Variants in PDE9A observed in about 807,000 individuals in gnomAD.
PDE9A encodes phosphodiesterase 9A, also known as high affinity cGMP-specific 3',5'-cyclic phosphodiesterase 9A.
In PDE9A, 60 loss-of-function variants were observed where a neutral mutation model predicts 87.4. That is an observed-to-expected ratio of 0.69 (90% confidence interval 0.56 to 0.85). The LOEUF is 0.85. Among genes scored for constraint, PDE9A ranks in the 40% least tolerant of loss-of-function variants. The pLI is 0.00. For missense variants in PDE9A, 665 were observed against 779.0 expected, an observed-to-expected ratio of 0.85 and a Z score of 1.74; for synonymous variants, 272 against 279.4, an observed-to-expected ratio of 0.97 and a Z score of 0.27.
chr21:42,697,368 A>T, intron 3 of PDE9A: 1 of 1,156,170 alleles, frequency 8.6e-7, no homozygotes, highest in Non-Finnish European at 1.3e-6. Flanking sequence ...CACCATGAAC[A>T]GCTTGGTGTG....
At position 42,768,236 on chromosome 21, in the gene PDE9A, C is replaced by T. The variant is rs771336877; in HGVS notation, c.1405C>T (p.Pro469Ser). 7.4e-6 allele frequency: 12 copies of T among 1,611,488 alleles called. No homozygotes were observed. In the East Asian group the frequency reaches 2.7e-4, roughly 36 times the overall value. The change falls in exon 16 of 20, where the codon CCA becomes TCA. Residue 469 changes from proline (P) to serine (S), a missense_variant. Coordinates refer to ENST00000291539, the MANE Select transcript of PDE9A (RefSeq NM_002606.3). ...CTGTGATATCTCTAACGAGGTCCGT[C>T]CAATGGAAGTCGCAGAGCCTTGGGT... Reference protein sequence around the residue: ...KCCDISNEVRPMEVAEPWVDC... With the variant: ...KCCDISNEVRSMEVAEPWVDC...
intron 1 of PDE9A, among the ~76,000 whole-genome samples, chr21:42,678,198 A>G (rs2058960472): frequency 6.6e-6 from 1 of 152,206 alleles, no homozygotes; most frequent in African/African-American, 2.4e-5. Context: ...TGGGGGCGTG[A>G]GGGGTTTGGC....
At chr21:42,769,587 TACAC>T (rs1369059170) in intron 17 of PDE9A, among the ~76,000 whole-genome samples, 1 of 102,654 alleles carries the variant, frequency 9.7e-6, no homozygotes, top group Non-Finnish European at 2.0e-5. Flanking sequence ...TGCACACAGG[TACAC>T]ACAGGCACAC....
intron 4 of PDE9A, among the ~76,000 whole-genome samples, chr21:42,717,878 C>T (rs2146543678): frequency 6.6e-6 from 1 of 151,694 alleles, no homozygotes; most frequent in East Asian, 1.9e-4. Flanking sequence ...GTGTGTCTTT[C>T]TTCTCTGGCT....
intron 19 of PDE9A, among the ~76,000 whole-genome samples, chr21:42,774,881 CA>C (rs371603677): frequency 6.7e-4 from 75 of 112,346 alleles, no homozygotes; most frequent in East Asian, 8.3e-4. Flanking sequence ...GACTCCATCT[CA>C]AAAAAAAAAA....
In PDE9A at chr21:42,697,266, G is replaced by A. The variant is rs185861358; in HGVS notation, c.219-1702G>A. 30 of 618,574 alleles carry A rather than the reference G, an allele frequency of 4.8e-5. No homozygotes were observed. In the East Asian group the frequency reaches 7.7e-4, roughly 16 times the overall value. 38.3% of individuals were successfully genotyped at this position (618,574 alleles called of 1,614,324 possible). On this transcript the variant is annotated intron_variant, in intron 3 of 19. Coordinates refer to ENST00000291539, the MANE Select transcript of PDE9A (RefSeq NM_002606.3). Reference sequence around the variant, plus strand: ...GTGCAGGGAGGTCAGTGCCACACAGGTTTTATTTTTTCACATTATTGGTGT... The same window carrying A: ...GTGCAGGGAGGTCAGTGCCACACAGATTTTATTTTTTCACATTATTGGTGT...
chr21:42,706,389 A>G (rs748977607), intron 4 of PDE9A, among the ~76,000 whole-genome samples: 3 of 152,222 alleles, frequency 2.0e-5, no homozygotes, highest in Non-Finnish European at 4.4e-5. Flanking sequence ...TCACGCCTGT[A>G]ATCCCAGCAC....
chr21:42,670,050 C>G (rs2058306338), intron 1 of PDE9A, among the ~76,000 whole-genome samples: 1 of 152,138 alleles, frequency 6.6e-6, no homozygotes, highest in Non-Finnish European at 1.5e-5. Flanking sequence ...TTCACACACA[C>G]ACACTTACAC....
chr21:42,754,087 C>T, intron 10 of PDE9A, 23 bp downstream of exon 10: 1 of 1,556,468 alleles, frequency 6.4e-7, no homozygotes, highest in East Asian at 2.2e-5. Context: ...CTTGCAGGCA[C>T]CACGTCCCAG....
In PDE9A at chr21:42,759,189, C is replaced by A; in HGVS notation, c.897+104C>A. On this transcript the variant is annotated intron_variant, in intron 11 of 19. Coordinates refer to ENST00000291539, the MANE Select transcript of PDE9A (RefSeq NM_002606.3). This position sits in a 1 kb window ranked among gnomAD's most constrained non-coding sequence, Gnocchi z 7.2. ...CCAGGGCACCTTCCGGATGGCACTG[C>A]GCTCCCTGTGAGCAGAGGTGACATT... 1.3e-6 allele frequency: 1 copy of A among 774,548 alleles called. No homozygotes were observed. Among genetic ancestry groups the A allele is most frequent in the Non-Finnish European group, 2.2e-6 (1 of 446,746 alleles). 48.0% of individuals were successfully genotyped at this position (774,548 alleles called of 1,614,324 possible).
intron 4 of PDE9A, among the ~76,000 whole-genome samples, chr21:42,721,123 A>G (rs2050480010): frequency 6.6e-6 from 1 of 152,130 alleles, no homozygotes; most frequent in African/African-American, 2.4e-5. Flanking sequence ...GTAAAGGGAA[A>G]TGCATGCTAG....
chr21:42,683,372 A>G (rs937527412), intron 1 of PDE9A, among the ~76,000 whole-genome samples: 2 of 152,220 alleles, frequency 1.3e-5, no homozygotes, highest in East Asian at 1.9e-4. Flanking sequence ...AAGCTTCTGC[A>G]TTGAATCACG....
Position 42,743,795 on chromosome 21 carries a change from G to A in PDE9A, c.588G>A (p.Val196=). Residue 196 remains valine, a synonymous_variant, in exon 8 of 20, where the codon GTG becomes GTA. Transcript: ENST00000291539. ...CACCAGTGGAAGGACTAAAAGTGGT[G>A]GAGATTGAGAAATGCAAGAGTGACA... ...KRVELEGLKV[V]EIEKCKSDIK... 2 of 1,592,642 alleles carry A rather than the reference G, an allele frequency of 1.3e-6. No individual in the cohort carries two copies. The highest frequency in any genetic ancestry group is 1.7e-6 in the Non-Finnish European group (2 of 1,168,514).
chr21:42,772,670 G>A (rs1025112455), intron 19 of PDE9A, 150 bp downstream of exon 19: 102 of 605,942 alleles, frequency 1.7e-4, no homozygotes, highest in Non-Finnish European at 2.6e-4. Flanking sequence ...TCTCGCTCTT[G>A]TTGCCCAGGT....
chr21:42,688,026 T>A, intron 3 of PDE9A, 32 bp downstream of exon 3: 1 of 1,552,540 alleles, frequency 6.4e-7, no homozygotes, highest in Non-Finnish European at 8.9e-7. Flanking sequence ...CCTCGGGGTG[T>A]GCCTGGCACT....
At chr21:42,770,643 C>A in intron 17 of PDE9A, 60 bp from the exon 18 acceptor site, 2 of 1,353,872 alleles carry the variant, frequency 1.5e-6, no homozygotes, top group Non-Finnish European at 2.1e-6. Context: ...TGTTTTTCTC[C>A]GACGTTTCCC....
intron 15 of PDE9A, 47 bp downstream of exon 15, chr21:42,765,541 C>T (rs752155058): frequency 1.2e-5 from 12 of 998,218 alleles, no homozygotes; most frequent in African/African-American, 1.6e-5. Flanking sequence ...GGTGGGCTGG[C>T]GAAGCAGGTC....
Position 42,759,402 on chromosome 21 carries a change from C to CGT in PDE9A, c.897+329_897+330dup, listed in dbSNP as rs373565834. Among the ~76,000 whole-genome samples the CGT allele has an allele frequency of 7.5e-6, 1 of 132,566 alleles. No homozygotes were observed. The highest frequency in any genetic ancestry group is 1.6e-5 in the Non-Finnish European group (1 of 61,382). The allele number at this position is 132,566 out of a possible 152,430, so 87.0% of individuals were successfully genotyped here. Reference sequence around the variant, plus strand: ...GGGAGCGTGTGTGTGTGTGTGGGAGCGTGTGTGTGTGTGAGAGTGAGTATG... The same window carrying CGT: ...GGGAGCGTGTGTGTGTGTGTGGGAGCGTGTGTGTGTGTGTGAGAGTGAGTATG... On this transcript the variant is annotated intron_variant, in intron 11 of 19. Coordinates refer to ENST00000291539, the MANE Select transcript of PDE9A (RefSeq NM_002606.3). The surrounding 1 kb of genome is among the most constrained non-coding windows in gnomAD (Gnocchi z 7.2).
intron 7 of PDE9A, among the ~76,000 whole-genome samples, chr21:42,738,416 C>A (rs2052708378): frequency 6.6e-6 from 1 of 152,194 alleles, no homozygotes; most frequent in Non-Finnish European, 1.5e-5. Context: ...ACTGGGCCTG[C>A]CAGGTTCCCG....
Sources: allele counts gnomAD v4.1 joint callset (sites outside exome capture counted in the v4.1 genomes callset), GRCh38; gene constraint gnomAD v4.1.1; non-coding constraint Gnocchi (gnomAD v3.1); transcripts MANE v1.5; gene names NCBI Gene and HGNC (gene_info 2026-07-23, HGNC 2026-07-21).